Variants in C17orf67 observed in about 807,000 individuals in gnomAD.
C17orf67 encodes the protein uncharacterized protein C17orf67.
In C17orf67, 12 loss-of-function variants were observed where a neutral mutation model predicts 11.2. That is an observed-to-expected ratio of 1.07 (90% CI 0.68 to 1.73). The LOEUF (loss-of-function observed/expected upper bound fraction) is 1.73, where lower values mean the gene tolerates loss of function less well. Among genes scored for constraint, C17orf67 ranks in the 40% most tolerant of loss-of-function variants. The pLI, the probability that C17orf67 is intolerant of heterozygous loss-of-function variation, is 0.00. For synonymous variants in C17orf67, 59 were observed against 46.9 expected (o/e 1.26, Z -1.05); for missense variants, 115 against 113.5 (o/e 1.01, Z -0.06).
At chr17:56,802,560 G>A (rs943991511) in intron 6 of C17orf67, among the ~76,000 whole-genome samples, 3 of 152,064 alleles carry the variant, frequency 2.0e-5, no homozygotes, top group East Asian at 1.9e-4. Flanking sequence ...TCCTGCCCAC[G>A]CCTTTGTAAA....
chr17:56,819,648 T>C (rs536039289), intron 4 of C17orf67, among the ~76,000 whole-genome samples: 2 of 152,242 alleles, frequency 1.3e-5, no homozygotes, highest in East Asian at 3.9e-4. Context: ...GCTTGGCCTC[T>C]GGATGTTGTC....
Position 56,795,646 on chromosome 17 carries a change from T to C in C17orf67, c.157-466A>G, listed in dbSNP as rs550918027. Among the ~76,000 whole-genome samples the C allele has an allele frequency of 5.9e-5, 9 of 152,324 alleles. 1 individual carries two copies. The South Asian group carries it at 1.9e-3, about 32-fold the overall frequency. On this transcript the variant is annotated intron_variant, in intron 6 of 7. Coordinates refer to ENST00000397861, the MANE Select transcript of C17orf67 (RefSeq NM_001085430.4). Reference sequence around the variant, plus strand: ...AACAAGTTCCTAGCTAATAGTTATATTGCTAGTTGCTCTGAGAACAAAAGA... The same window carrying C: ...AACAAGTTCCTAGCTAATAGTTATACTGCTAGTTGCTCTGAGAACAAAAGA...
intron 1 of C17orf67, 101 bp from the exon 2 acceptor site, chr17:56,833,443 G>A (rs1047833523): frequency 6.6e-5 from 10 of 151,804 alleles, no homozygotes; most frequent in African/African-American, 1.9e-4. Context: ...GCGCGGGCGA[G>A]GGGGTAGCGC....
intron 2 of C17orf67, among the ~76,000 whole-genome samples, chr17:56,828,509 T>C (rs1906102175): frequency 6.6e-6 from 1 of 152,208 alleles, no homozygotes; most frequent in Non-Finnish European, 1.5e-5. Flanking sequence ...TAGGTAATTC[T>C]TTATTCAAAA....
At chr17:56,806,788 G>A (rs1444310727) in intron 6 of C17orf67, among the ~76,000 whole-genome samples, 2 of 152,192 alleles carry the variant, frequency 1.3e-5, no homozygotes, top group Non-Finnish European at 2.9e-5. Context: ...AAATGACTCT[G>A]ACTGCTCCAT....
intron 2 of C17orf67, among the ~76,000 whole-genome samples, chr17:56,826,973 C>G (rs1051700259): frequency 1.7e-4 from 26 of 152,224 alleles, no homozygotes; most frequent in Admixed American, 5.9e-4. Flanking sequence ...TTTGACAGGC[C>G]TGGCGCTCTG....
At chr17:56,803,248 A>G (rs1423407105) in intron 6 of C17orf67, among the ~76,000 whole-genome samples, 1 of 152,240 alleles carries the variant, frequency 6.6e-6, no homozygotes, top group Non-Finnish European at 1.5e-5. Context: ...CATCTTGACA[A>G]TGAATGAAGT....
chr17:56,799,984 G>GAAA (rs71139937), intron 6 of C17orf67, among the ~76,000 whole-genome samples: 88,261 of 139,796 alleles, frequency 0.63, 27,842 homozygotes, highest in East Asian at 0.81. Context: ...TTAAAGTCAT[G>GAAA]AAAAAAAAAA....
chr17:56,815,079 A>C, intron 5 of C17orf67, 110 bp from the exon 6 acceptor site: 1 of 913,846 alleles, frequency 1.1e-6, no homozygotes, highest in South Asian at 1.4e-5. Flanking sequence ...TAAAACATGA[A>C]AGTTCTTTCC....
intron 6 of C17orf67, among the ~76,000 whole-genome samples, chr17:56,809,806 T>A: frequency 3.1e-5 from 3 of 96,902 alleles, no homozygotes; most frequent in Admixed American, 1.0e-4. Flanking sequence ...CACACACCCC[T>A]TACACATACA....
intron 6 of C17orf67, among the ~76,000 whole-genome samples, chr17:56,801,062 A>G (rs1024089399): frequency 8.5e-5 from 13 of 152,222 alleles, no homozygotes; most frequent in African/African-American, 2.9e-4. Context: ...TCAAAACAAA[A>G]AACTTGTTCT....
At chr17:56,824,524 G>T (rs953002179) in intron 4 of C17orf67, among the ~76,000 whole-genome samples, 3 of 152,214 alleles carry the variant, frequency 2.0e-5, no homozygotes, top group Non-Finnish European at 4.4e-5. Context: ...ATTAGCTAAA[G>T]ATACTCATGT....
At chr17:56,815,049 T>C in intron 5 of C17orf67, 80 bp from the exon 6 acceptor site, 1 of 1,219,152 alleles carries the variant, frequency 8.2e-7, no homozygotes, top group South Asian at 1.2e-5. Flanking sequence ...AGGCAAAAGA[T>C]TTGCAAGTTC....
intron 4 of C17orf67, among the ~76,000 whole-genome samples, chr17:56,820,297 C>T (rs780977389): frequency 6.6e-6 from 1 of 152,124 alleles, no homozygotes; most frequent in Non-Finnish European, 1.5e-5. Context: ...TTAATAAAAA[C>T]AAGTAAGATA....
At chr17:56,802,197 A>T (rs926610641) in intron 6 of C17orf67, among the ~76,000 whole-genome samples, 1 of 151,692 alleles carries the variant, frequency 6.6e-6, no homozygotes, top group Admixed American at 6.6e-5. Context: ...GTCGCCGTAG[A>T]CTCCCTTGGC....
intron 6 of C17orf67, among the ~76,000 whole-genome samples, chr17:56,800,266 C>T (rs1057333475): frequency 6.6e-6 from 1 of 152,050 alleles, no homozygotes; most frequent in African/African-American, 2.4e-5. Context: ...GGGGTTTCAC[C>T]GTGTTAGCCA....
chr17:56,830,623 T>A lies in C17orf67; in HGVS notation c.-557+2275A>T, dbSNP rs573434523. Among the ~76,000 whole-genome samples the A allele has an allele frequency of 4.9e-3, 728 of 149,598 alleles. 3 individuals are homozygous for A. Among genetic ancestry groups the A allele is most frequent in the African/African-American group, 0.017 (690 of 39,608 alleles). ...CAATTAGCCACCACGCCTGGCTAAT[T>A]TTTTTTTTGTATTTATACATTTTTA... On this transcript the variant is annotated intron_variant, in intron 2 of 7. Transcript: ENST00000397861.
chr17:56,815,807 T>G lies in C17orf67; in HGVS notation c.4A>C (p.Lys2Gln). Residue 2 changes from lysine to glutamine, a missense_variant, in exon 5 of 8, where the codon AAG becomes CAG. Coordinates refer to ENST00000397861, the MANE Select transcript of C17orf67 (RefSeq NM_001085430.4). ...GACAGCACGAGCACAGGCAATGTCT[T>G]CATCCTGCCTTGGTTCCTCTGCCTC... M[K>Q]TLPVLVLSLT... is the part of the protein sequence containing the mutation. 6.2e-7 allele frequency: 1 copy of G among 1,613,928 alleles called. No homozygotes were observed. Among genetic ancestry groups the G allele is most frequent in the Non-Finnish European group, 8.5e-7 (1 of 1,179,862 alleles).
chr17:56,795,168 G>A lies in C17orf67; in HGVS notation c.169C>T (p.His57Tyr). The A allele has an allele frequency of 1.9e-6, 3 of 1,614,092 alleles. No individual in the cohort carries two copies. The highest frequency in any genetic ancestry group is 2.2e-5 in the South Asian group (2 of 91,084). ...PDEPMREYMH[H>Y]LLALEHRAEE... Reference sequence around the variant, plus strand: ...GCGCGATGCTCCAGGGCGAGCAGGTGGTGCATGTATTCCTGTCAAAACAAA... The same window carrying A: ...GCGCGATGCTCCAGGGCGAGCAGGTAGTGCATGTATTCCTGTCAAAACAAA... The change falls in exon 7 of 8, where the codon CAC becomes TAC. Residue 57 changes from histidine (H) to tyrosine (Y), a missense_variant. By Grantham distance (83) the His-to-Tyr change is moderately conservative (BLOSUM62 2). Transcript: ENST00000397861.
Sources: gnomAD v4.1 joint callset for allele counts (sites outside exome capture counted in the v4.1 genomes callset) on GRCh38, gnomAD v4.1.1 for gene constraint, MANE v1.5 for transcripts, NCBI Gene and HGNC (gene_info 2026-07-23, HGNC 2026-07-21) for gene names.